The following ANXA8L1 variants were observed in gnomAD, a reference collection of about 807,000 sequenced individuals.
The protein encoded by ANXA8L1 is annexin A8-like protein 1.
In ANXA8L1, 10 loss-of-function variants were observed where a neutral mutation model predicts 22.5. That is an observed-to-expected ratio of 0.44 (90% CI 0.27 to 0.75). The LOEUF (loss-of-function observed/expected upper bound fraction) is 0.75, where lower values mean the gene tolerates loss of function less well. Among genes scored for constraint, ANXA8L1 ranks in the 30% least tolerant of loss-of-function variants. The pLI, the probability that ANXA8L1 is intolerant of heterozygous loss-of-function variation, is 0.15. For synonymous variants in ANXA8L1, 36 were observed against 86.0 expected (o/e 0.42, Z 3.22); for missense variants, 88 against 219.6 (o/e 0.40, Z 3.79).
Position 46,385,442 on chromosome 10 carries a change from G to A in ANXA8L1, c.615G>A (p.Leu205=). Reference sequence around the variant, plus strand: ...ATGAGATGAAATTCATCACCATCCTGTGCACGCGCAGTGCCACTCACCTGC... The same window carrying A: ...ATGAGATGAAATTCATCACCATCCTATGCACGCGCAGTGCCACTCACCTGC... ...GTDEMKFITI[L]CTRSATHLLR... The change falls in exon 8 of 12, where the codon CTG becomes CTA. Residue 205 remains leucine (L), a synonymous_variant. Transcript: ENST00000619162. The A allele has an allele frequency of 8.7e-7, 1 of 1,151,616 alleles. No individual in the cohort carries two copies. The allele number at this position is 1,151,616 out of a possible 1,614,324, so 71.3% of individuals were successfully genotyped here.
At chr10:46,384,397 G>A in intron 6 of ANXA8L1, 112 bp downstream of exon 6, 2 of 362,634 alleles carry the variant, frequency 5.5e-6, no homozygotes, top group Non-Finnish European at 9.0e-6. Context: ...GCATGGGATA[G>A]CCCAGCAGCC....
chr10:46,379,299 G>A (rs1839969946), intron 1 of ANXA8L1, among the ~76,000 whole-genome samples: 1 of 148,236 alleles, frequency 6.7e-6, no homozygotes, highest in East Asian at 2.0e-4. Context: ...AATCTGCAGA[G>A]CATCGTGCGG....
chr10:46,384,948 C>G (rs1274234398), intron 7 of ANXA8L1, 115 bp downstream of exon 7: 21 of 1,513,490 alleles, frequency 1.4e-5, no homozygotes, highest in Non-Finnish European at 1.9e-5. Flanking sequence ...GCTCAGCTCC[C>G]TATAGGCCTT....
At chr10:46,377,567 CG>C (rs1253471269) in intron 1 of ANXA8L1, among the ~76,000 whole-genome samples, 2 of 120,070 alleles carry the variant, frequency 1.7e-5, no homozygotes, top group African/African-American at 3.4e-5. Context: ...AGAGCTGGCT[CG>C]GGGTAGCAAG....
chr10:46,379,280 TTA>T (rs1839969565), intron 1 of ANXA8L1, among the ~76,000 whole-genome samples: 1 of 150,872 alleles, frequency 6.6e-6, no homozygotes, highest in Admixed American at 6.7e-5. Flanking sequence ...GTTATCTGGT[TTA>T]TTTCACAATC....
intron 6 of ANXA8L1, 77 bp from the exon 7 acceptor site, chr10:46,384,697 A>C: frequency 2.5e-6 from 4 of 1,611,192 alleles, no homozygotes; most frequent in Non-Finnish European, 3.4e-6. Context: ...CCTACCCTCC[A>C]AGCCCAGGAT....
In ANXA8L1 at chr10:46,375,880, G is replaced by T; in HGVS notation, c.21+8G>T. On this transcript the variant is annotated splice_region_variant and intron_variant, in intron 1 of 11. Transcript: ENST00000619162. Reference sequence around the variant, plus strand: ...GCCTGGTGGAAAGCCTGGGTAAGTGGGAGCTGGCAGGAGATTTGCGTTCCT... The same window carrying T: ...GCCTGGTGGAAAGCCTGGGTAAGTGTGAGCTGGCAGGAGATTTGCGTTCCT... The T allele has an allele frequency of 2.2e-6, 3 of 1,337,794 alleles. No homozygotes were observed. The South Asian group carries it at 3.6e-5, about 16-fold the overall frequency. The allele number at this position is 1,337,794 out of a possible 1,614,324, so 82.9% of individuals were successfully genotyped here.
intron 3 of ANXA8L1, 66 bp from the exon 4 acceptor site, chr10:46,382,513 T>C: frequency 9.9e-7 from 1 of 1,014,064 alleles, no homozygotes. Context: ...CAGCCACCAC[T>C]CCGCTGCCTG....
intron 1 of ANXA8L1, among the ~76,000 whole-genome samples, chr10:46,378,307 C>T (rs1364852222): frequency 1.4e-5 from 2 of 145,962 alleles, no homozygotes; most frequent in Admixed American, 6.9e-5. Flanking sequence ...GTGGGTGAAG[C>T]TTCCTTCAGT....
Position 46,384,809 on chromosome 10 carries a change from G to C in ANXA8L1, c.528G>C (p.Pro176=), listed in dbSNP as rs1431990549. 4.3e-6 allele frequency: 7 copies of C among 1,612,688 alleles called. No individual in the cohort carries two copies. The Admixed American group carries it at 1.0e-4, about 23-fold the overall frequency. The change falls in exon 7 of 12, where the codon CCG becomes CCC. Residue 176 remains proline (P), a synonymous_variant. Transcript: ENST00000619162. ...ATGATGTGAGCAGCTTTGTGGACCC[G>C]GCACTGGCCCTCCAAGACGCACAGG... ...SRDDVSSFVD[P]ALALQDAQDL...
At chr10:46,376,585 C>T (rs1409336425) in intron 1 of ANXA8L1, among the ~76,000 whole-genome samples, 6 of 148,934 alleles carry the variant, frequency 4.0e-5, no homozygotes, top group Non-Finnish European at 8.9e-5. Context: ...GAGGACCTAG[C>T]CTGCTAGAGC....
intron 6 of ANXA8L1, 59 bp from the exon 7 acceptor site, chr10:46,384,715 G>A (rs1471407096): frequency 1.2e-6 from 2 of 1,612,110 alleles, no homozygotes; most frequent in African/African-American, 1.4e-5. Context: ...GATCCCCCCT[G>A]TGCCCTTAAT....
At chr10:46,383,661 T>G in intron 5 of ANXA8L1, 115 bp downstream of exon 5, 1 of 280,768 alleles carries the variant, frequency 3.6e-6, no homozygotes, top group South Asian at 2.4e-5. Context: ...CTTTGGGGAC[T>G]TTTTTACCCA....
rs372949045 is a variant in ANXA8L1 at position 46,390,856 on chromosome 10, G to A, written c.925-15G>A. On this transcript the variant is annotated splice_polypyrimidine_tract_variant and intron_variant, in intron 11 of 11. Transcript: ENST00000619162. Reference sequence around the variant, plus strand: ...AACAAACCCCTTCTCACGCTTATGCGCCTCCTACCCACAGGAAGACACCAG... The same window carrying A: ...AACAAACCCCTTCTCACGCTTATGCACCTCCTACCCACAGGAAGACACCAG... 1,739 of 1,131,734 alleles carry A rather than the reference G, an allele frequency of 1.5e-3. 261 individuals are homozygous for A. The highest frequency in any genetic ancestry group is 7.6e-3 in the Middle Eastern group (23 of 3,046). 70.1% of individuals were successfully genotyped at this position (1,131,734 alleles called of 1,614,324 possible).
chr10:46,376,073 C>T, intron 1 of ANXA8L1: 1 of 783,698 alleles, frequency 1.3e-6, no homozygotes, highest in East Asian at 2.7e-5. Context: ...AGGGATGGGA[C>T]CTGGGCCGGG....
At position 46,385,511 on chromosome 10, in the gene ANXA8L1, G is replaced by A. The variant is rs1204083508; in HGVS notation, c.646+38G>A. 2.3e-6 allele frequency: 3 copies of A among 1,301,170 alleles called. 1 individual carries two copies. Among genetic ancestry groups the A allele is most frequent in the African/African-American group, 4.0e-5 (2 of 49,738 alleles). The allele number at this position is 1,301,170 out of a possible 1,614,324, so 80.6% of individuals were successfully genotyped here. The stretch of plus-strand genomic sequence containing the variant: ...GAGGGGCTGGGGCCGGGGCCACAGG[G>A]GTGTCCTGGCCATGAGCCTCTCCCT... On this transcript the variant is annotated intron_variant, in intron 8 of 11. Coordinates refer to ENST00000619162, the MANE Select transcript of ANXA8L1 (RefSeq NM_001098845.3).
chr10:46,384,867 C>A, intron 7 of ANXA8L1, 34 bp downstream of exon 7: 1 of 1,611,718 alleles, frequency 6.2e-7, no homozygotes, highest in South Asian at 1.1e-5. Flanking sequence ...TGTGGCCCCA[C>A]CCCCTGCCAT....
rs1376856300 is a variant in ANXA8L1 at position 46,390,996 on chromosome 10, C to T, written c.*66C>T. 1 of 1,186,672 alleles carries T rather than the reference C, an allele frequency of 8.4e-7. No individual in the cohort carries two copies. Among genetic ancestry groups the T allele is most frequent in the Middle Eastern group, 2.9e-4 (1 of 3,460 alleles). The allele number at this position is 1,186,672 out of a possible 1,614,324, so 73.5% of individuals were successfully genotyped here. A position where few individuals can be genotyped will look rare whatever the true frequency, so the allele number is the denominator to read the frequency against. On this transcript the variant is annotated 3_prime_UTR_variant, in exon 12 of 12. Coordinates refer to ENST00000619162, the MANE Select transcript of ANXA8L1 (RefSeq NM_001098845.3). ...TCCAGGACTCCTCACTCAACCTCGG[C>T]CATGGACGCAGGTTGGGTGTGAGGG...
At chr10:46,389,774 TG>T (rs2133018190) in intron 11 of ANXA8L1, among the ~76,000 whole-genome samples, 1 of 151,626 alleles carries the variant, frequency 6.6e-6, no homozygotes, top group African/African-American at 2.4e-5. Context: ...CCCAGTGCTT[TG>T]GGAGGCCAAC....
Sources: allele counts gnomAD v4.1 joint callset (sites outside exome capture counted in the v4.1 genomes callset), GRCh38; gene constraint gnomAD v4.1.1; transcripts MANE v1.5; gene names NCBI Gene and HGNC (gene_info 2026-07-23, HGNC 2026-07-21).